CNTN5: variants seen among roughly 807,000 people sequenced by gnomAD.
The protein encoded by CNTN5 is contactin-5.
A neutral mutation model predicts 129.1 loss-of-function variants in CNTN5; 77 were observed. That is an observed-to-expected ratio of 0.60 (90% CI 0.50 to 0.72). The LOEUF (loss-of-function observed/expected upper bound fraction) is 0.72. CNTN5 is among the 30% of genes least tolerant of loss of function. The probability of loss-of-function intolerance (pLI) is 0.00; values close to 1 mark genes in which losing one functional copy is unlikely to be tolerated. For missense variants in CNTN5, 1,478 were observed against 1,328.8 expected (o/e 1.11, Z -1.75); for synonymous variants, 509 against 465.6 (o/e 1.09, Z -1.20).
chr11:100,025,907 G>A (rs927794467), intron 9 of CNTN5, among the ~76,000 whole-genome samples: 1 of 152,170 alleles, frequency 6.6e-6, no homozygotes, highest in Non-Finnish European at 1.5e-5. Flanking sequence ...TGTCTCAGAT[G>A]AGACTTTGGA....
chr11:99,567,052 G>T (rs1949027798), intron 3 of CNTN5, among the ~76,000 whole-genome samples: 1 of 152,068 alleles, frequency 6.6e-6, no homozygotes, highest in Non-Finnish European at 1.5e-5. Flanking sequence ...AATAATTTGA[G>T]GTTTATGTAG....
intron 8 of CNTN5, among the ~76,000 whole-genome samples, chr11:99,965,519 G>A (rs1591493542): frequency 6.6e-6 from 1 of 152,296 alleles, no homozygotes; most frequent in East Asian, 1.9e-4. Flanking sequence ...ACTGTAGTCT[G>A]AGAGACAGTT....
chr11:99,042,564 A>G (rs1335630411), intron 1 of CNTN5, among the ~76,000 whole-genome samples: 3 of 151,402 alleles, frequency 2.0e-5, no homozygotes, highest in Non-Finnish European at 1.5e-5. Flanking sequence ...TTCAGTAGAG[A>G]CGGGGTTTCA....
chr11:100,140,443 T>C (rs1015911163), intron 13 of CNTN5, among the ~76,000 whole-genome samples: 1 of 152,164 alleles, frequency 6.6e-6, no homozygotes, highest in Non-Finnish European at 1.5e-5. Context: ...GATAAATAGA[T>C]GGCAAAGGAC....
chr11:99,842,504 G>T (rs1025352415), intron 4 of CNTN5, among the ~76,000 whole-genome samples: 1 of 152,188 alleles, frequency 6.6e-6, no homozygotes, highest in South Asian at 2.1e-4. Flanking sequence ...AAAGATGTTT[G>T]GTTCATGGCT....
At chr11:99,611,351 C>G (rs188122530) in intron 3 of CNTN5, among the ~76,000 whole-genome samples, 1 of 152,100 alleles carries the variant, frequency 6.6e-6, no homozygotes, top group Non-Finnish European at 1.5e-5. Flanking sequence ...TTCCCCCAAA[C>G]AGATATAATT....
intron 18 of CNTN5, among the ~76,000 whole-genome samples, chr11:100,287,514 A>T (rs1215845472): frequency 6.6e-6 from 1 of 150,946 alleles, no homozygotes; most frequent in Non-Finnish European, 1.5e-5. Flanking sequence ...ACTAAGCTTC[A>T]TAAGTGAAGG....
intron 18 of CNTN5, among the ~76,000 whole-genome samples, chr11:100,285,998 C>G (rs535237728): frequency 6.6e-6 from 1 of 151,536 alleles, no homozygotes; most frequent in Non-Finnish European, 1.5e-5. Flanking sequence ...GGGTGACAGA[C>G]GCACCTGGAA....
chr11:100,282,785 A>C (rs1432828487), intron 18 of CNTN5, among the ~76,000 whole-genome samples: 1 of 136,994 alleles, frequency 7.3e-6, no homozygotes, highest in Non-Finnish European at 1.6e-5. Flanking sequence ...AGCTGAGTTG[A>C]CACTCAAACC....
intron 3 of CNTN5, among the ~76,000 whole-genome samples, chr11:99,818,630 A>C (rs1946671477): frequency 6.6e-6 from 1 of 152,178 alleles, no homozygotes; most frequent in South Asian, 2.1e-4. Flanking sequence ...TACATATAAA[A>C]AATTTCCAAT....
rs146299619 is a variant in CNTN5 at position 99,319,013 on chromosome 11, G to C, written c.-209-6333G>C. Among the ~76,000 whole-genome samples the C allele has an allele frequency of 4.6e-4, 70 of 152,268 alleles. 2 individuals carry two copies. In the East Asian group the frequency reaches 0.013, roughly 28 times the overall value. On this transcript the variant is annotated intron_variant, in intron 1 of 24. Coordinates refer to ENST00000524871, the MANE Select transcript of CNTN5 (RefSeq NM_014361.4). ...TTTATATTCTGTTTATAGAAAAGGT[G>C]AATTGGACTGTGCTATTCCAGATTC...
At chr11:99,184,538 A>T (rs1029686288) in intron 1 of CNTN5, among the ~76,000 whole-genome samples, 1 of 152,106 alleles carries the variant, frequency 6.6e-6, no homozygotes, top group Non-Finnish European at 1.5e-5. Context: ...AACATTTTAT[A>T]TAGTGAGTGT....
At chr11:99,188,031 C>A (rs1858440875) in intron 1 of CNTN5, among the ~76,000 whole-genome samples, 1 of 151,674 alleles carries the variant, frequency 6.6e-6, no homozygotes, top group Non-Finnish European at 1.5e-5. Context: ...CAAAACTTGG[C>A]ATATAGTAAC....
chr11:99,469,594 C>T (rs1004610220), intron 2 of CNTN5, among the ~76,000 whole-genome samples: 6 of 151,836 alleles, frequency 4.0e-5, no homozygotes, highest in South Asian at 2.1e-4. Flanking sequence ...AGAGTATGCA[C>T]GTTGTATGCA....
chr11:100,114,700 T>C (rs1945780443), intron 13 of CNTN5, among the ~76,000 whole-genome samples: 1 of 152,044 alleles, frequency 6.6e-6, no homozygotes, highest in African/African-American at 2.4e-5. Context: ...CTCTTTTGAA[T>C]AGTTAGAAGG....
intron 13 of CNTN5, among the ~76,000 whole-genome samples, chr11:100,138,764 A>G (rs989733353): frequency 6.6e-6 from 1 of 152,108 alleles, no homozygotes; most frequent in East Asian, 1.9e-4. Context: ...CTTATTCTCT[A>G]CTGGATTGCT....
chr11:99,346,152 T>G (rs1283838843), intron 2 of CNTN5, among the ~76,000 whole-genome samples: 4 of 152,190 alleles, frequency 2.6e-5, no homozygotes, highest in African/African-American at 9.6e-5. Context: ...TTATGTCATA[T>G]TGTGTGAATA....
At chr11:100,080,557 C>T (rs1052506360) in intron 13 of CNTN5, among the ~76,000 whole-genome samples, 9 of 152,114 alleles carry the variant, frequency 5.9e-5, no homozygotes, top group African/African-American at 2.2e-4. Flanking sequence ...CCCTAAAGGA[C>T]ACTGTTGCTG....
intron 3 of CNTN5, among the ~76,000 whole-genome samples, chr11:99,675,562 G>A (rs1363637718): frequency 1.3e-5 from 2 of 152,118 alleles, no homozygotes. Context: ...GTGGGCACCT[G>A]TAATCCCAGC....
Sources: gnomAD v4.1 joint callset for allele counts (sites outside exome capture counted in the v4.1 genomes callset) on GRCh38, gnomAD v4.1.1 for gene constraint, MANE v1.5 for transcripts, NCBI Gene and HGNC (gene_info 2026-07-23, HGNC 2026-07-21) for gene names.